Variants in DSCAML1 observed in about 807,000 individuals in gnomAD.
The protein encoded by DSCAML1 is DS cell adhesion molecule like 1, also known as cell adhesion molecule DSCAML1.
In DSCAML1, 38 loss-of-function variants were observed where a neutral mutation model predicts 200.5. The observed-to-expected ratio is 0.19, with a 90% CI of 0.15 to 0.25. DSCAML1 has a LOEUF of 0.25. Ranked by LOEUF, DSCAML1 falls within the 10% of genes least tolerant of loss-of-function variation. The probability of loss-of-function intolerance (pLI) is 1.00; values close to 1 mark genes in which losing one functional copy is unlikely to be tolerated. For missense variants in DSCAML1, 2,223 were observed against 2,858.8 expected (o/e 0.78, Z 5.07); for synonymous variants, 1,215 against 1,165.0 (o/e 1.04, Z -0.87).
chr11:117,724,820 T>C (rs1234961329), intron 3 of DSCAML1, among the ~76,000 whole-genome samples: 1 of 152,194 alleles, frequency 6.6e-6, no homozygotes, highest in East Asian at 1.9e-4. Flanking sequence ...ACTTGAGCCC[T>C]GCTCAGGAAA....
chr11:117,722,424 T>C (rs568743238), intron 3 of DSCAML1, among the ~76,000 whole-genome samples: 75 of 152,270 alleles, frequency 4.9e-4, no homozygotes, highest in Middle Eastern at 3.4e-3. Flanking sequence ...GATCCAAAGT[T>C]ACTGCTAGAT....
At chr11:117,788,899 C>T (rs2055410454) in intron 1 of DSCAML1, among the ~76,000 whole-genome samples, 1 of 152,190 alleles carries the variant, frequency 6.6e-6, no homozygotes, top group African/African-American at 2.4e-5. Flanking sequence ...GGTGTGAGCA[C>T]ACTGTGGGGG....
At chr11:117,530,320 G>A (rs1203914795) in intron 4 of DSCAML1, among the ~76,000 whole-genome samples, 2 of 152,148 alleles carry the variant, frequency 1.3e-5, no homozygotes, top group African/African-American at 2.4e-5. Context: ...AAATATTCAC[G>A]GAGGAGAAGG....
intron 3 of DSCAML1, among the ~76,000 whole-genome samples, chr11:117,592,917 G>T (rs1357054394): frequency 6.6e-6 from 1 of 152,232 alleles, no homozygotes; most frequent in Admixed American, 6.5e-5. Flanking sequence ...GCAGCACGGG[G>T]TGTGAACCCC....
chr11:117,641,756 G>A (rs1310181285), intron 3 of DSCAML1, among the ~76,000 whole-genome samples: 1 of 152,082 alleles, frequency 6.6e-6, no homozygotes. Flanking sequence ...GCCTGCGACC[G>A]GCTCTATGCC....
chr11:117,681,212 T>G (rs1415150788), intron 3 of DSCAML1, among the ~76,000 whole-genome samples: 1 of 151,974 alleles, frequency 6.6e-6, no homozygotes. Flanking sequence ...CCTGGTAGGG[T>G]CCAACAAGGC....
intron 8 of DSCAML1, among the ~76,000 whole-genome samples, chr11:117,515,388 A>G (rs907309199): frequency 1.1e-4 from 17 of 152,144 alleles, no homozygotes; most frequent in Non-Finnish European, 2.2e-4. Flanking sequence ...CCATCCAGAC[A>G]GTCTCCAGGT....
chr11:117,698,069 C>T (rs1274005264), intron 3 of DSCAML1, among the ~76,000 whole-genome samples: 1 of 152,196 alleles, frequency 6.6e-6, no homozygotes, highest in African/African-American at 2.4e-5. Context: ...TGCACCCAGC[C>T]AGAATTTCCT....
chr11:117,493,003 A>G (rs2049217443), intron 11 of DSCAML1, among the ~76,000 whole-genome samples: 1 of 152,194 alleles, frequency 6.6e-6, no homozygotes, highest in Non-Finnish European at 1.5e-5. Context: ...GGGAGGTGCC[A>G]GGGGAGCTGG....
intron 16 of DSCAML1, among the ~76,000 whole-genome samples, chr11:117,467,518 T>TC (rs991346674): frequency 2.0e-5 from 3 of 152,230 alleles, no homozygotes; most frequent in Non-Finnish European, 4.4e-5. Flanking sequence ...TGTTTTTTTT[T>TC]CTAGTCAATG....
At chr11:117,815,552 T>C (rs1302098416) in intron 1 of DSCAML1, among the ~76,000 whole-genome samples, 1 of 152,004 alleles carries the variant, frequency 6.6e-6, no homozygotes, top group Non-Finnish European at 1.5e-5. Flanking sequence ...AAGAAGCCCT[T>C]TGGGGAAGTG....
intron 19 of DSCAML1, among the ~76,000 whole-genome samples, chr11:117,454,203 C>A (rs1336891028): frequency 6.6e-6 from 1 of 152,168 alleles, no homozygotes; most frequent in Non-Finnish European, 1.5e-5. Context: ...TCATTACCAG[C>A]ATCACCCGGG....
intron 26 of DSCAML1, among the ~76,000 whole-genome samples, chr11:117,436,008 C>A (rs2047907740): frequency 6.6e-6 from 1 of 152,192 alleles, no homozygotes; most frequent in Non-Finnish European, 1.5e-5. Flanking sequence ...TTTAATATTG[C>A]ATTTTATTAA....
intron 3 of DSCAML1, among the ~76,000 whole-genome samples, chr11:117,577,006 C>T (rs1224128232): frequency 2.0e-5 from 3 of 152,168 alleles, no homozygotes; most frequent in Non-Finnish European, 4.4e-5. Context: ...TTAATTTCTT[C>T]TTCTATATGG....
chr11:117,536,643 A>G lies in DSCAML1; in HGVS notation c.512-4121T>C, dbSNP rs1214616410. Reference sequence around the variant, plus strand: ...ATGCCAACAGTGTCCCTGTGGGTTTAGGCTGGAGGGTGCCATTCCTTTAGG... The same window carrying G: ...ATGCCAACAGTGTCCCTGTGGGTTTGGGCTGGAGGGTGCCATTCCTTTAGG... On this transcript the variant is annotated intron_variant, in intron 3 of 32. Transcript: ENST00000651296. Among the ~76,000 whole-genome samples, 6 of 152,358 alleles carry G rather than the reference A, an allele frequency of 3.9e-5. No individual in the cohort carries two copies. In the East Asian group the frequency reaches 1.2e-3, roughly 29 times the overall value.
intron 3 of DSCAML1, among the ~76,000 whole-genome samples, chr11:117,594,674 G>A (rs2051326173): frequency 6.6e-6 from 1 of 152,138 alleles, no homozygotes; most frequent in African/African-American, 2.4e-5. Flanking sequence ...CTCTGGCTTT[G>A]GCTATCTGGT....
At chr11:117,585,702 C>T (rs922392464) in intron 3 of DSCAML1, among the ~76,000 whole-genome samples, 1 of 152,194 alleles carries the variant, frequency 6.6e-6, no homozygotes, top group African/African-American at 2.4e-5. Flanking sequence ...TCACTCACTG[C>T]AATGCAGGAT....
rs968819336 is a variant in DSCAML1, at chr11:117,576,698, T to C, written c.512-44176A>G. ...GGCTGACTGTTTCCACAAGGGACTC[T>C]TTTCTTTTTGTACCCAAAACCCTTC... On this transcript the variant is annotated intron_variant, in intron 3 of 32. Transcript: ENST00000651296. 3.9e-5 allele frequency among the ~76,000 whole-genome samples: 6 copies of C among 152,160 alleles called. No individual in the cohort carries two copies. The East Asian group carries it at 1.2e-3, about 29-fold the overall frequency.
At chr11:117,766,462 AAC>A (rs1364045145) in intron 3 of DSCAML1, among the ~76,000 whole-genome samples, 1 of 152,210 alleles carries the variant, frequency 6.6e-6, no homozygotes, top group Admixed American at 6.5e-5. Context: ...GACTTCACTA[AAC>A]ACACATTTTT....
Sources: gnomAD v4.1 joint callset for allele counts (sites outside exome capture counted in the v4.1 genomes callset) on GRCh38, gnomAD v4.1.1 for gene constraint, MANE v1.5 for transcripts, NCBI Gene and HGNC (gene_info 2026-07-23, HGNC 2026-07-21) for gene names.